The following RB1CC1 variants were observed in gnomAD, a reference collection of about 807,000 sequenced individuals.
RB1CC1 encodes RB1-inducible coiled-coil protein 1.
In RB1CC1, 46 loss-of-function variants were observed where a neutral mutation model predicts 177.5. That is an observed-to-expected ratio of 0.26 (90% CI 0.20 to 0.33). The LOEUF (loss-of-function observed/expected upper bound fraction) is 0.33, where lower values mean the gene tolerates loss of function less well. Ranked by LOEUF, RB1CC1 falls within the 10% of genes least tolerant of loss-of-function variation. RB1CC1 has a pLI of 1.00. For missense variants in RB1CC1, 1,703 were observed against 1,816.3 expected, an observed-to-expected ratio of 0.94 and a Z score of 1.13; for synonymous variants, 666 against 613.6, an observed-to-expected ratio of 1.09 and a Z score of -1.26.
intron 20 of RB1CC1, among the ~76,000 whole-genome samples, chr8:52,633,404 A>T (rs1258213226): frequency 6.6e-6 from 1 of 152,162 alleles, no homozygotes; most frequent in Non-Finnish European, 1.5e-5. Context: ...TATTCTATTG[A>T]GGATAAATAA....
Position 52,630,477 on chromosome 8 carries a change from T to A in RB1CC1, c.4492A>T (p.Ile1498Phe). Residue 1498 changes from isoleucine to phenylalanine, a missense_variant, in exon 21 of 24, where the codon ATT (isoleucine) becomes TTT (phenylalanine). By Grantham distance (21) the Ile-to-Phe change is conservative (BLOSUM62 0). Coordinates refer to ENST00000025008, the MANE Select transcript of RB1CC1 (RefSeq NM_014781.5). ...CAAAACTAAAATACTTACTCTCTAA[T>A]AGCTATCTTTTCAGAATGCCTTGAA... ...VSSRHSEKIA[I>F]RDFQVGDLVL... 8.8e-6 allele frequency: 14 copies of A among 1,583,982 alleles called. No homozygotes were observed. The highest frequency in any genetic ancestry group is 1.2e-5 in the Non-Finnish European group (14 of 1,168,526).
At chr8:52,624,920 C>T (rs779691957) in intron 22 of RB1CC1, 133 bp from the exon 23 acceptor site, 10 of 603,236 alleles carry the variant, frequency 1.7e-5, no homozygotes, top group South Asian at 5.3e-5. Context: ...TAAAAACTAC[C>T]GAAATCACTG....
intron 15 of RB1CC1, among the ~76,000 whole-genome samples, chr8:52,649,802 CTTAT>C (rs1850407701): frequency 1.3e-5 from 2 of 152,182 alleles, no homozygotes; most frequent in Admixed American, 1.3e-4. Context: ...ACGTTCCACT[CTTAT>C]TTCTTTGTAC....
chr8:52,703,120 A>C (rs1485426561), intron 1 of RB1CC1, among the ~76,000 whole-genome samples: 2 of 152,022 alleles, frequency 1.3e-5, no homozygotes, highest in African/African-American at 4.8e-5. Flanking sequence ...CTTATATTAA[A>C]AAAAAAAAAG....
chr8:52,681,139 A>G (rs1853679600), intron 5 of RB1CC1, among the ~76,000 whole-genome samples: 4 of 151,658 alleles, frequency 2.6e-5, no homozygotes, highest in Admixed American at 2.0e-4. Flanking sequence ...CTACAGGCAC[A>G]TGCCAGCATG....
At chr8:52,659,096 T>C (rs1434416983) in intron 12 of RB1CC1, 120 bp from the exon 13 acceptor site, 3 of 484,196 alleles carry the variant, frequency 6.2e-6, no homozygotes, top group Non-Finnish European at 1.1e-5. Flanking sequence ...GTGCTTTAAA[T>C]GATTAAGAAA....
At chr8:52,679,121 G>C (rs1044160375) in intron 5 of RB1CC1, among the ~76,000 whole-genome samples, 4 of 152,034 alleles carry the variant, frequency 2.6e-5, no homozygotes, top group Admixed American at 2.0e-4. Flanking sequence ...AACAAATCTC[G>C]GGAACCCAAA....
At chr8:52,713,945 A>G in intron 1 of RB1CC1, 130 bp downstream of exon 1, 1 of 209,284 alleles carries the variant, frequency 4.8e-6, no homozygotes, top group South Asian at 4.4e-5. Context: ...CCGTGCACAC[A>G]CCTGCGCGTG....
chr8:52,643,581 C>A (rs1190438291), intron 16 of RB1CC1, among the ~76,000 whole-genome samples: 1 of 148,580 alleles, frequency 6.7e-6, no homozygotes, highest in South Asian at 2.1e-4. Flanking sequence ...CCCAGCCATT[C>A]GGGAGGCTAA....
chr8:52,647,153 T>G (rs1480875950), intron 15 of RB1CC1, among the ~76,000 whole-genome samples: 1 of 152,218 alleles, frequency 6.6e-6, no homozygotes, highest in Non-Finnish European at 1.5e-5. Context: ...ATTGGAATCC[T>G]TTTATTCATG....
intron 15 of RB1CC1, among the ~76,000 whole-genome samples, chr8:52,647,077 C>T (rs1360083880): frequency 2.0e-5 from 3 of 152,058 alleles, no homozygotes; most frequent in African/African-American, 7.2e-5. Flanking sequence ...CTACATGTTT[C>T]TTATGTAATT....
chr8:52,704,203 G>A (rs112071161), intron 1 of RB1CC1, among the ~76,000 whole-genome samples: 180 of 151,930 alleles, frequency 1.2e-3, no homozygotes, highest in South Asian at 3.7e-3. Flanking sequence ...TCTCAGTTTC[G>A]TCATCTTAAA....
chr8:52,644,633 CTTTTTTT>C (rs767615873), intron 16 of RB1CC1, among the ~76,000 whole-genome samples: 1 of 152,016 alleles, frequency 6.6e-6, no homozygotes, highest in Admixed American at 6.6e-5. Context: ...AAGCCACACA[CTTTTTTT>C]TCTGGTTGTG....
rs1457072381 is a variant in RB1CC1, at chr8:52,674,007, T to A, written c.840A>T (p.Glu280Asp). The change falls in exon 7 of 24, where the codon GAA (glutamate) becomes GAT (aspartate). Residue 280 changes from glutamate (E) to aspartate (D), a missense_variant. By Grantham distance (45) the Glu-to-Asp change is conservative (BLOSUM62 2). Around this residue, in one of 6 missense-constraint regions of RB1CC1, gnomAD observed 315 missense variants for 304.9 expected, o/e 1.03. Coordinates refer to ENST00000025008, the MANE Select transcript of RB1CC1 (RefSeq NM_014781.5). ...ADAESGKEIRESCQSTVHQQD... is the reference protein window; with the variant it reads ...ADAESGKEIRDSCQSTVHQQD... ...GCTGATGAACAGTACTTTGACAAGA[T>A]TCCCTAATTTCTTTGCCACTTTCAG... 1 of 1,614,180 alleles carries A rather than the reference T, an allele frequency of 6.2e-7. No individual in the cohort carries two copies. Among genetic ancestry groups the A allele is most frequent in the South Asian group, 1.1e-5 (1 of 91,076 alleles).
rs1158939199 is a variant in RB1CC1 at position 52,661,301 on chromosome 8, A to C, written c.1359-20T>G. On this transcript the variant is annotated intron_variant, in intron 9 of 23. Coordinates refer to ENST00000025008, the MANE Select transcript of RB1CC1 (RefSeq NM_014781.5). ...CACCACCTAGAGAATAAAATCCATT[A>C]TTTTCAACATTCACAAAACTGGTAC... is the stretch of plus-strand genomic sequence containing the variant. 6.2e-7 allele frequency: 1 copy of C among 1,603,736 alleles called. No homozygotes were observed. Among genetic ancestry groups the C allele is most frequent in the Non-Finnish European group, 8.5e-7 (1 of 1,177,720 alleles).
chr8:52,702,393 C>A (rs1252481705), intron 1 of RB1CC1, among the ~76,000 whole-genome samples: 1 of 152,140 alleles, frequency 6.6e-6, no homozygotes, highest in Non-Finnish European at 1.5e-5. Context: ...GATCCATGAG[C>A]TGCATGGCTT....
At chr8:52,706,218 C>T (rs1856532357) in intron 1 of RB1CC1, among the ~76,000 whole-genome samples, 1 of 151,726 alleles carries the variant, frequency 6.6e-6, no homozygotes, top group African/African-American at 2.4e-5. Context: ...AGAGTTAGTC[C>T]CACCAAGAGA....
rs544592522 is a variant in RB1CC1, at chr8:52,672,013, C to T, written c.1002+1832G>A. Among the ~76,000 whole-genome samples the T allele has an allele frequency of 2.0e-5, 3 of 152,250 alleles. 1 individual carries two copies. The South Asian group carries it at 6.2e-4, about 32-fold the overall frequency. On this transcript the variant is annotated intron_variant, in intron 7 of 23. Transcript: ENST00000025008. ...TTAATATAATGGTCATGTAAAATAT[C>T]ACAAAGACTTCAGATGTTGTTGCTA...
intron 15 of RB1CC1, among the ~76,000 whole-genome samples, chr8:52,647,345 A>G (rs546980873): frequency 3.8e-4 from 58 of 152,310 alleles, no homozygotes; most frequent in African/African-American, 1.3e-3. Context: ...CCCCTATTTC[A>G]TAATATAGTT....
Sources: gnomAD v4.1 joint callset for allele counts (sites outside exome capture counted in the v4.1 genomes callset) on GRCh38, gnomAD v4.1.1 for gene constraint, gnomAD v4.1.1 regional missense constraint, MANE v1.5 for transcripts, NCBI Gene and HGNC (gene_info 2026-07-23, HGNC 2026-07-21) for gene names.